Variants in WIPF2 observed in about 807,000 individuals in gnomAD.
WIPF2 encodes WAS/WASL interacting protein family member 2, also known as WAS/WASL-interacting protein family member 2.
In WIPF2, 23 loss-of-function variants were observed where a neutral mutation model predicts 38.8. That is an observed-to-expected ratio of 0.59 (90% CI 0.43 to 0.84). The LOEUF (loss-of-function observed/expected upper bound fraction) is 0.84. Among genes scored for constraint, WIPF2 ranks in the 40% least tolerant of loss-of-function variants. WIPF2 has a pLI of 0.00. For synonymous variants in WIPF2, 210 were observed against 223.2 expected (o/e 0.94, Z 0.53); for missense variants, 574 against 580.5 (o/e 0.99, Z 0.11).
Position 40,283,353 on chromosome 17 carries a change from TC to T in WIPF2, c.*5131del, listed in dbSNP as rs1339404524. The T allele has an allele frequency of 4.0e-5, 6 of 151,820 alleles. No homozygotes were observed. Among genetic ancestry groups the T allele is most frequent in the Non-Finnish European group, 7.3e-5 (5 of 68,106 alleles). The allele number at this position is 151,820 out of a possible 1,614,324, so 9.4% of individuals were successfully genotyped here. On this transcript the variant is annotated 3_prime_UTR_variant, in exon 8 of 8. Transcript: ENST00000323571. Reference sequence around the variant, plus strand: ...TCCAACTCTCAAGCTCAAGTGATCCTCCCACCTCAGCCTCCCGTGTAGCTGG... The same window carrying T: ...TCCAACTCTCAAGCTCAAGTGATCCTCCACCTCAGCCTCCCGTGTAGCTGG...
At chr17:40,275,421 T>C (rs1380002526) in intron 6 of WIPF2, among the ~76,000 whole-genome samples, 3 of 152,072 alleles carry the variant, frequency 2.0e-5, no homozygotes, top group Non-Finnish European at 4.4e-5. Flanking sequence ...ATTATAAATG[T>C]TGGGGGGGCT....
At chr17:40,239,663 T>G (rs1046252999) in intron 1 of WIPF2, among the ~76,000 whole-genome samples, 2 of 151,890 alleles carry the variant, frequency 1.3e-5, no homozygotes, top group African/African-American at 4.8e-5. Flanking sequence ...CTGTGACTAG[T>G]TCCTTTGGAC....
At position 40,244,232 on chromosome 17, in the gene WIPF2, A is replaced by C. The variant is rs745322410; in HGVS notation, c.-69-12159A>C. Among the ~76,000 whole-genome samples the C allele has an allele frequency of 2.0e-5, 3 of 152,272 alleles. No individual in the cohort carries two copies. The South Asian group carries it at 6.2e-4, about 32-fold the overall frequency. On this transcript the variant is annotated intron_variant, in intron 1 of 7. Transcript: ENST00000323571. ...TAGAACACATGGAGGCAAGTTTTTC[A>C]TTCCTCTTGACATTATTCCCTGTGT...
chr17:40,264,653 C>G lies in WIPF2; in HGVS notation c.477C>G (p.Leu159=). The G allele has an allele frequency of 6.2e-7, 1 of 1,613,860 alleles. No individual in the cohort carries two copies. Among genetic ancestry groups the G allele is most frequent in the Non-Finnish European group, 8.5e-7 (1 of 1,179,840 alleles). The part of the protein sequence containing the change: ...PRMQRPSLPD[L]SRPNTTSSTG... ...TGCAGAGACCCTCTTTACCGGACCT[C>G]TCTCGGCCTAATACCACCAGCAGTA... The change falls in exon 5 of 8, where the codon CTC becomes CTG. Residue 159 remains leucine (L), a synonymous_variant. Transcript: ENST00000323571.
chr17:40,220,126 G>GT (rs2145255811), intron 1 of WIPF2, among the ~76,000 whole-genome samples: 1 of 152,146 alleles, frequency 6.6e-6, no homozygotes, highest in African/African-American at 2.4e-5. Flanking sequence ...GTGGTGTGAA[G>GT]TGAGGGAAGA....
chr17:40,272,435 A>G (rs573465829), intron 5 of WIPF2, among the ~76,000 whole-genome samples: 4 of 152,346 alleles, frequency 2.6e-5, no homozygotes, highest in African/African-American at 9.6e-5. Flanking sequence ...GGCAATTCCA[A>G]AAGAGGTGTT....
chr17:40,242,249 C>G (rs1243719537), intron 1 of WIPF2, among the ~76,000 whole-genome samples: 1 of 152,070 alleles, frequency 6.6e-6, no homozygotes, highest in Non-Finnish European at 1.5e-5. Flanking sequence ...ATGTGGTAGT[C>G]CCAGCTACTC....
At chr17:40,267,857 A>G (rs2032140497) in intron 5 of WIPF2, among the ~76,000 whole-genome samples, 1 of 152,106 alleles carries the variant, frequency 6.6e-6, no homozygotes, top group South Asian at 2.1e-4. Context: ...GAGTTATGTC[A>G]TGGAGTCTGG....
intron 1 of WIPF2, 96 bp downstream of exon 1, chr17:40,219,588 C>T (rs1341411904): frequency 1.8e-5 from 2 of 109,562 alleles, no homozygotes; most frequent in African/African-American, 3.6e-5. Context: ...CGGGGCGGGG[C>T]TTGAGAAGAG....
intron 1 of WIPF2, among the ~76,000 whole-genome samples, chr17:40,233,612 A>G (rs906445971): frequency 2.0e-5 from 3 of 151,890 alleles, no homozygotes; most frequent in Non-Finnish European, 4.4e-5. Flanking sequence ...GCACCTGGCT[A>G]TACAGTTCTT....
At chr17:40,227,179 T>G (rs998871053) in intron 1 of WIPF2, among the ~76,000 whole-genome samples, 3 of 152,026 alleles carry the variant, frequency 2.0e-5, no homozygotes, top group African/African-American at 7.3e-5. Context: ...TAGCTGAGAT[T>G]ACAGGTGTGT....
At chr17:40,251,006 TG>T (rs1293949485) in intron 1 of WIPF2, among the ~76,000 whole-genome samples, 3 of 147,726 alleles carry the variant, frequency 2.0e-5, no homozygotes, top group Non-Finnish European at 4.5e-5. Flanking sequence ...CTCCGCCTCC[TG>T]GGTTCATGCT....
chr17:40,236,234 G>A lies in WIPF2; in HGVS notation c.-70+16742G>A, dbSNP rs1216156774. Among the ~76,000 whole-genome samples the A allele has an allele frequency of 2.6e-5, 4 of 152,054 alleles. No individual in the cohort carries two copies. In the East Asian group the frequency reaches 7.8e-4, roughly 29 times the overall value. ...TCCACCCGCCTCAGCCTCCCAAAGT[G>A]CTGGGATTACAGGCATGAGTCAACT... On this transcript the variant is annotated intron_variant, in intron 1 of 7. Transcript: ENST00000323571.
intron 1 of WIPF2, among the ~76,000 whole-genome samples, chr17:40,222,327 C>T (rs1488522197): frequency 6.6e-6 from 1 of 151,602 alleles, no homozygotes; most frequent in East Asian, 2.0e-4. Flanking sequence ...GCTGGGATTA[C>T]AGGTGTGAGC....
chr17:40,270,057 T>C (rs1405450341), intron 5 of WIPF2, among the ~76,000 whole-genome samples: 1 of 152,060 alleles, frequency 6.6e-6, no homozygotes, highest in Non-Finnish European at 1.5e-5. Context: ...GCTCTGTCAC[T>C]TGAAACAGTC....
intron 1 of WIPF2, among the ~76,000 whole-genome samples, chr17:40,229,500 G>A (rs2030653413): frequency 6.6e-6 from 1 of 151,980 alleles, no homozygotes; most frequent in Non-Finnish European, 1.5e-5. Context: ...TTGGCTCACC[G>A]CAACCTCTGC....
chr17:40,233,257 A>G lies in WIPF2; in HGVS notation c.-70+13765A>G, dbSNP rs2030823729. ...GACCTTATATTTTGAAATTTTGGTC[A>G]GTTTGTTTATATGGTGATTTTGCTT... On this transcript the variant is annotated intron_variant, in intron 1 of 7. Transcript: ENST00000323571. Among the ~76,000 whole-genome samples the G allele has an allele frequency of 1.3e-5, 2 of 152,080 alleles. 1 individual carries two copies. Among genetic ancestry groups the G allele is most frequent in the South Asian group, 4.1e-4 (2 of 4,834 alleles).
intron 1 of WIPF2, among the ~76,000 whole-genome samples, chr17:40,245,255 T>C (rs2031325351): frequency 6.6e-6 from 1 of 151,064 alleles, no homozygotes; most frequent in Admixed American, 6.6e-5. Flanking sequence ...CACTAGAATG[T>C]AAGCTCCAAG....
chr17:40,259,039 AAAG>A (rs1406933244), intron 2 of WIPF2, among the ~76,000 whole-genome samples: 1 of 149,228 alleles, frequency 6.7e-6, no homozygotes, highest in Non-Finnish European at 1.5e-5. Context: ...AAAAAAAAAA[AAAG>A]ATAAGTTTTT....
Sources: gnomAD v4.1 joint callset for allele counts (sites outside exome capture counted in the v4.1 genomes callset) on GRCh38, gnomAD v4.1.1 for gene constraint, MANE v1.5 for transcripts, NCBI Gene and HGNC (gene_info 2026-07-23, HGNC 2026-07-21) for gene names.